Variants in TTN observed in about 807,000 individuals in gnomAD.
The protein encoded by TTN is titin, also known as connectin.
TTN carries 1,525 observed loss-of-function variants against 3,223.0 expected under a neutral mutation model. That is an observed-to-expected ratio of 0.47 (90% CI 0.45 to 0.49). The LOEUF (loss-of-function observed/expected upper bound fraction) is 0.49, where lower values mean the gene tolerates loss of function less well. Ranked by LOEUF, TTN falls within the 20% of genes least tolerant of loss-of-function variation. The pLI, the probability that TTN is intolerant of heterozygous loss-of-function variation, is 0.00. For missense variants in TTN, 40,786 were observed against 43,424.0 expected (o/e 0.94, Z 5.40); for synonymous variants, 14,094 against 15,161.0 (o/e 0.93, Z 5.17).
At chr2:178,625,867 T>C (rs557334253) in intron 240 of TTN, among the ~76,000 whole-genome samples, 31 of 152,008 alleles carry the variant, frequency 2.0e-4, no homozygotes, top group Non-Finnish European at 2.9e-4. Context: ...TTGGGATCTT[T>C]CAAGAAAATT....
At position 178,565,001 on chromosome 2, in the gene TTN, T is replaced by A; in HGVS notation, c.81131A>T (p.Gln27044Leu). The change falls in exon 326 of 363, where the codon CAG becomes CTG. Residue 27044 changes from glutamine (Q) to leucine (L), a missense_variant. Transcript: ENST00000589042. The part of the protein sequence containing the change: ...ITKLKTGTEY[Q>L]FRIFAENRYG... Reference sequence around the variant, plus strand: ...CCTGTTTTCAGCAAAAATTCTAAACTGGTACTCCGTGCCTGTTTTCAGTTT... The same window carrying A: ...CCTGTTTTCAGCAAAAATTCTAAACAGGTACTCCGTGCCTGTTTTCAGTTT... 1 of 1,612,990 alleles carries A rather than the reference T, an allele frequency of 6.2e-7. No homozygotes were observed. Among genetic ancestry groups the A allele is most frequent in the Non-Finnish European group, 8.5e-7 (1 of 1,179,462 alleles).
Position 178,732,549 on chromosome 2 carries a change from C to G in TTN, c.16512G>C (p.Glu5504Asp). ...TTACTAAATAGAGTTCCAGGGAACT[C>G]TCTAAAGCTTCTTTGGTAATATAGC... is the stretch of plus-strand genomic sequence containing the variant. Reference protein sequence around the residue: ...GSCYITKEALESSLELYLVKT... With the variant: ...GSCYITKEALDSSLELYLVKT... Residue 5504 changes from glutamate to aspartate, a missense_variant, in exon 56 of 363, where the codon GAG (glutamate) becomes GAC (aspartate). Coordinates refer to ENST00000589042, the MANE Select transcript of TTN (RefSeq NM_001267550.2). The G allele has an allele frequency of 6.2e-7, 1 of 1,613,692 alleles. No individual in the cohort carries two copies. Among genetic ancestry groups the G allele is most frequent in the Non-Finnish European group, 8.5e-7 (1 of 1,179,754 alleles).
At chr2:178,713,835 T>C in intron 92 of TTN, 62 bp downstream of exon 92, 4 of 1,567,918 alleles carry the variant, frequency 2.6e-6, no homozygotes, top group Non-Finnish European at 2.6e-6. Flanking sequence ...CCATATACAT[T>C]TATGAAAATC....
intron 239 of TTN, among the ~76,000 whole-genome samples, chr2:178,629,707 G>A (rs2059553908): frequency 6.6e-6 from 1 of 152,068 alleles, no homozygotes; most frequent in Non-Finnish European, 1.5e-5. Context: ...TCTGCCAGGC[G>A]TCAAGTTCTT....
intron 163 of TTN, 30 bp from the exon 164 acceptor site, chr2:178,665,821 G>C: frequency 8.8e-7 from 1 of 1,141,144 alleles, no homozygotes; most frequent in Non-Finnish European, 1.1e-6. Context: ...TTGTACTTTG[G>C]AGTTATGAAG....
Position 178,615,491 on chromosome 2 carries a change from C to T in TTN, c.48461-7G>A, listed in dbSNP as rs548241708. The T allele has an allele frequency of 5.0e-6, 8 of 1,610,328 alleles. No homozygotes were observed. The highest frequency in any genetic ancestry group is 6.8e-6 in the Non-Finnish European group (8 of 1,177,666). On this transcript the variant is annotated splice_polypyrimidine_tract_variant and splice_region_variant and intron_variant, in intron 258 of 362. Transcript: ENST00000589042. ...TCTGGTGGGTCAGGTACCGCTACAA[C>T]ATTTGGAAGAGAGAGTCAGTCTTAC...
chr2:178,625,280 A>G lies in TTN; in HGVS notation c.44541T>C (p.Phe14847=). 1 of 1,605,382 alleles carries G rather than the reference A, an allele frequency of 6.2e-7. No homozygotes were observed. Among genetic ancestry groups the G allele is most frequent in the African/African-American group, 1.3e-5 (1 of 74,370 alleles). The change falls in exon 241 of 363, where the codon TTT becomes TTC. Residue 14847 remains phenylalanine, a synonymous_variant. Transcript: ENST00000589042. ...AATAAGCCTTGTAATTACCTTTCACAAAGAGGTTGGCGTGAGTTTTGAAAT... is the reference window on the plus strand; with the variant it reads ...AATAAGCCTTGTAATTACCTTTCACGAAGAGGTTGGCGTGAGTTTTGAAAT... ...AKDFKTHANL[F]VKEPPVEFTK...
Position 178,707,003 on chromosome 2 carries a change from A to C in TTN, c.29042-49T>G. ...GTTACTACAATCACCTCAGAATTAC[A>C]ATACATATCCCCCTTTGTAAAATAA... On this transcript the variant is annotated intron_variant, in intron 100 of 362. Transcript: ENST00000589042. 5 of 1,491,430 alleles carry C rather than the reference A, an allele frequency of 3.4e-6. No individual in the cohort carries two copies. In the South Asian group the frequency reaches 6.1e-5, roughly 18 times the overall value. The allele number at this position is 1,491,430 out of a possible 1,614,324, so 92.4% of individuals were successfully genotyped here.
At position 178,674,390 on chromosome 2, in the gene TTN, T is replaced by C. The variant is rs776589857; in HGVS notation, c.34632A>G (p.Glu11544=). 1.2e-5 allele frequency: 19 copies of C among 1,581,880 alleles called. No homozygotes were observed. The highest frequency in any genetic ancestry group is 1.6e-5 in the Non-Finnish European group (19 of 1,160,166). The part of the protein sequence containing the change: ...LPVEVTEEPE[E]EPISEEEIPE... ...GGATTTCTTCTTCTGAAATAGGCTC[T>C]TCTTCAGGCTCCTCAGTCACTTTAA... The change falls in exon 151 of 363, where the codon GAA becomes GAG. Residue 11544 remains glutamate, a synonymous_variant. Coordinates refer to ENST00000589042, the MANE Select transcript of TTN (RefSeq NM_001267550.2).
chr2:178,555,029 T>C lies in TTN; in HGVS notation c.88430A>G (p.Asp29477Gly). Residue 29477 changes from aspartate to glycine, a missense_variant, in exon 331 of 363, where the codon GAT becomes GGT. Coordinates refer to ENST00000589042, the MANE Select transcript of TTN (RefSeq NM_001267550.2). ...KPAPTIEWYK[D>G]DKELQTNALV... ...TGCATTGGTTTGTAATTCTTTATCA[T>C]CTTTATACCACTCAATAGTAGGCGC... 6.2e-7 allele frequency: 1 copy of C among 1,613,764 alleles called. No homozygotes were observed.
Position 178,635,227 on chromosome 2 carries a change from T to C in TTN, c.41962A>G (p.Ile13988Val). 6.2e-7 allele frequency: 1 copy of C among 1,613,378 alleles called. No individual in the cohort carries two copies. The highest frequency in any genetic ancestry group is 1.3e-5 in the African/African-American group (1 of 75,006). Residue 13988 changes from isoleucine (I) to valine (V), a missense_variant, in exon 228 of 363, where the codon ATC becomes GTC. Ile to Val is a conservative substitution (Grantham distance 29). Coordinates refer to ENST00000589042, the MANE Select transcript of TTN (RefSeq NM_001267550.2). Reference sequence around the variant, plus strand: ...TGTCCAGGAATGTCTGCCTCTGAGATTTCTGCATCAAAGCTTGCACTTTCT... The same window carrying C: ...TGTCCAGGAATGTCTGCCTCTGAGACTTCTGCATCAAAGCTTGCACTTTCT... ...EKESASFDAE[I>V]SEADIPGQWK...
In TTN at chr2:178,753,199, T is replaced by C; in HGVS notation, c.11255-19A>G. The C allele has an allele frequency of 1.3e-6, 2 of 1,588,546 alleles. No homozygotes were observed. The highest frequency in any genetic ancestry group is 1.7e-6 in the Non-Finnish European group (2 of 1,160,016). On this transcript the variant is annotated intron_variant, in intron 46 of 362. Transcript: ENST00000589042. ...TCAGGAGCTAAAATAGAAAAACATA[T>C]AAAGAGATTTTAGTGATTAATTGCA...
rs749689466 is a variant in TTN, at chr2:178,704,739, A to G, written c.29733T>C (p.Val9911=). Residue 9911 remains valine, a synonymous_variant, in exon 105 of 363, where the codon GTT becomes GTC. Transcript: ENST00000589042. The part of the protein sequence containing the change: ...TLIKDIENQT[V]LKDNDAVFEI... Reference sequence around the variant, plus strand: ...CAAAGACAGCATCATTATCTTTCAAAACTGTCTGATTTTCAATGTCCTTGA... The same window carrying G: ...CAAAGACAGCATCATTATCTTTCAAGACTGTCTGATTTTCAATGTCCTTGA... 12 of 1,610,630 alleles carry G rather than the reference A, an allele frequency of 7.5e-6. No individual in the cohort carries two copies. In the Middle Eastern group the frequency reaches 8.2e-4, roughly 110 times the overall value.
At chr2:178,781,002 C>A in intron 21 of TTN, 119 bp downstream of exon 21, 1 of 1,370,184 alleles carries the variant, frequency 7.3e-7, no homozygotes, top group Middle Eastern at 1.8e-4. Flanking sequence ...GAGGCAAAGA[C>A]ACTGGGGCAA....
At chr2:178,639,477 G>A (rs2060939771) in intron 223 of TTN, among the ~76,000 whole-genome samples, 1 of 151,982 alleles carries the variant, frequency 6.6e-6, no homozygotes, top group African/African-American at 2.4e-5. Flanking sequence ...GTGCAACCCA[G>A]GAACGTACAT....
At chr2:178,730,853 T>G in intron 60 of TTN, 61 bp from the exon 61 acceptor site, 2 of 1,530,912 alleles carry the variant, frequency 1.3e-6, no homozygotes, top group East Asian at 4.5e-5. Flanking sequence ...TGTTTTTGTT[T>G]TTTTTTTTAA....
At chr2:178,766,727 T>C (rs1368673076) in intron 40 of TTN, 115 bp from the exon 41 acceptor site, 4 of 780,188 alleles carry the variant, frequency 5.1e-6, no homozygotes, top group African/African-American at 1.7e-5. Flanking sequence ...GAAACCAATA[T>C]ATTATAATGT....
Position 178,780,004 on chromosome 2 carries a change from T to G in TTN, c.3725A>C (p.Asp1242Ala). The G allele has an allele frequency of 3.1e-6, 5 of 1,612,202 alleles. No individual in the cohort carries two copies. Among genetic ancestry groups the G allele is most frequent in the Non-Finnish European group, 4.2e-6 (5 of 1,179,580 alleles). ...DTVVVRTYVE[D>A]QEFHISSFEE... is the part of the protein sequence containing the mutation. ...GGTCATTACTTTTATACTCACCTGA[T>G]CTTCTACATAAGTTCTGACCACTAC... The change falls in exon 22 of 363, where the codon GAT (aspartate) becomes GCT (alanine). Residue 1242 changes from aspartate to alanine, a missense_variant. Asp to Ala is a moderately radical substitution (Grantham distance 126, BLOSUM62 -2). Coordinates refer to ENST00000589042, the MANE Select transcript of TTN (RefSeq NM_001267550.2).
Position 178,634,997 on chromosome 2 carries a change from GT to G in TTN, c.42025-149del. 1 of 1,366,522 alleles carries G rather than the reference GT, an allele frequency of 7.3e-7. No individual in the cohort carries two copies. Among genetic ancestry groups the G allele is most frequent in the Non-Finnish European group, 9.8e-7 (1 of 1,024,900 alleles). 84.6% of individuals were successfully genotyped at this position (1,366,522 alleles called of 1,614,324 possible). ...CCTGTCATAACATTTTACACAAATT[GT>G]TCAAGTTGTCCCCAAATGATACGTA... On this transcript the variant is annotated intron_variant, in intron 228 of 362. Coordinates refer to ENST00000589042, the MANE Select transcript of TTN (RefSeq NM_001267550.2). This position sits in a 1 kb window ranked among gnomAD's most constrained non-coding sequence, Gnocchi z 4.6.
Sources: gnomAD v4.1 joint callset for allele counts (sites outside exome capture counted in the v4.1 genomes callset) on GRCh38, gnomAD v4.1.1 for gene constraint, Gnocchi (gnomAD v3.1) non-coding constraint, MANE v1.5 for transcripts, NCBI Gene and HGNC (gene_info 2026-07-23, HGNC 2026-07-21) for gene names.